CACNA1E: variants seen among roughly 807,000 people sequenced by gnomAD.
CACNA1E encodes the protein voltage-dependent R-type calcium channel subunit alpha-1E.
A neutral mutation model predicts 259.2 loss-of-function variants in CACNA1E; 40 were observed. That is an observed-to-expected ratio of 0.15 (90% confidence interval 0.12 to 0.20). The LOEUF (loss-of-function observed/expected upper bound fraction) is 0.20, where lower values mean the gene tolerates loss of function less well. Among genes scored for constraint, CACNA1E ranks in the 10% least tolerant of loss-of-function variants. The pLI is 1.00. For synonymous variants in CACNA1E, 1,104 were observed against 1,138.5 expected (o/e 0.97, Z 0.61); for missense variants, 1,874 against 3,040.1 (o/e 0.62, Z 9.02).
chr1:181,696,960 A>G (rs995309680), intron 7 of CACNA1E, among the ~76,000 whole-genome samples: 6 of 152,224 alleles, frequency 3.9e-5, no homozygotes, highest in African/African-American at 1.4e-4. Flanking sequence ...CTTCCTGCAC[A>G]TAATAAGAAT....
At chr1:181,700,672 T>C (rs971195975) in intron 7 of CACNA1E, among the ~76,000 whole-genome samples, 1 of 152,148 alleles carries the variant, frequency 6.6e-6, no homozygotes, top group Admixed American at 6.5e-5. Flanking sequence ...GCCTGAAAAA[T>C]AGAACTAAGT....
intron 2 of CACNA1E, among the ~76,000 whole-genome samples, chr1:181,461,134 C>T (rs957586605): frequency 6.6e-6 from 1 of 152,158 alleles, no homozygotes; most frequent in African/African-American, 2.4e-5. Flanking sequence ...CAGATCATTA[C>T]AAAACATTCC....
chr1:181,631,216 C>G (rs1656703866), intron 6 of CACNA1E, among the ~76,000 whole-genome samples: 1 of 152,160 alleles, frequency 6.6e-6, no homozygotes, highest in Non-Finnish European at 1.5e-5. Flanking sequence ...TCCTGCAGCC[C>G]AGGCTGTGTG....
Position 181,798,472 on chromosome 1 carries a change from C to G in CACNA1E, c.6580C>G (p.Pro2194Ala). The G allele has an allele frequency of 6.2e-7, 1 of 1,613,858 alleles. No individual in the cohort carries two copies. Reference protein sequence around the residue: ...PPADGSEEGSPLTSQALESNN... With the variant: ...PPADGSEEGSALTSQALESNN... ...TGCTGATGGAAGCGAGGAGGGCTCC[C>G]CGCTGACCTCCCAAGCTCTGGAGAG... The change falls in exon 48 of 48, where the codon CCG becomes GCG. Residue 2194 changes from proline to alanine, a missense_variant. Around this residue, in one of 14 missense-constraint regions of CACNA1E, gnomAD observed 542 missense variants for 587.2 expected, o/e 0.92. Transcript: ENST00000367573. This position sits in a 1 kb window ranked among gnomAD's most constrained non-coding sequence, Gnocchi z 4.2.
rs535780629 is a variant in CACNA1E at position 181,804,764 on chromosome 1, T to A, written c.*5930T>A. ...AAAGCAATTTAGAAAAATCTTCACT[T>A]GTTAGATCCCATGAAGTACCTATGA... On this transcript the variant is annotated 3_prime_UTR_variant, in exon 48 of 48. Transcript: ENST00000367573. 3 of 152,098 alleles carry A rather than the reference T, an allele frequency of 2.0e-5. No individual in the cohort carries two copies. Among genetic ancestry groups the A allele is most frequent in the Admixed American group, 6.5e-5 (1 of 15,282 alleles). 9.4% of individuals were successfully genotyped at this position (152,098 alleles called of 1,614,324 possible). A position where few individuals can be genotyped will look rare whatever the true frequency, so the allele number is the denominator to read the frequency against.
chr1:181,686,275 G>GTTTTTTTTTTTTTT lies in CACNA1E; in HGVS notation c.1056-24664_1056-24651dup, dbSNP rs66526388. Among the ~76,000 whole-genome samples, 78 of 58,666 alleles carry GTTTTTTTTTTTTTT rather than the reference G, an allele frequency of 1.3e-3. 2 individuals are homozygous for GTTTTTTTTTTTTTT. Among genetic ancestry groups the GTTTTTTTTTTTTTT allele is most frequent in the Admixed American group, 2.1e-3 (8 of 3,732 alleles). 38.5% of individuals were successfully genotyped at this position (58,666 alleles called of 152,430 possible). A position where few individuals can be genotyped will look rare whatever the true frequency, so the allele number is the denominator to read the frequency against. On this transcript the variant is annotated intron_variant, in intron 7 of 47. Transcript: ENST00000367573. ...AGGCTTGGAGGCCAGTAAGAACCAA[G>GTTTTTTTTTTTTTT]TTTTTTTTTTTTTTTTTTTTTTTTT...
intron 2 of CACNA1E, among the ~76,000 whole-genome samples, chr1:181,468,995 A>G (rs1292070183): frequency 6.6e-6 from 1 of 152,148 alleles, no homozygotes; most frequent in African/African-American, 2.4e-5. Context: ...TTGGATAGTT[A>G]TATTTGATAG....
intron 12 of CACNA1E, among the ~76,000 whole-genome samples, chr1:181,718,515 A>T (rs1398550088): frequency 6.6e-6 from 1 of 151,906 alleles, no homozygotes; most frequent in Non-Finnish European, 1.5e-5. Context: ...AAAGGACTTG[A>T]TTTTAGAGGT....
chr1:181,704,716 C>T (rs1176634656), intron 7 of CACNA1E, among the ~76,000 whole-genome samples: 3 of 152,112 alleles, frequency 2.0e-5, no homozygotes, highest in Non-Finnish European at 4.4e-5. Flanking sequence ...CAGGCCAGCC[C>T]ATCCTGGCAC....
chr1:181,692,218 ATTG>A (rs1651234528), intron 7 of CACNA1E, among the ~76,000 whole-genome samples: 1 of 152,212 alleles, frequency 6.6e-6, no homozygotes. Flanking sequence ...AAGAGTCAGT[ATTG>A]TTAAAATGGC....
In CACNA1E at chr1:181,801,354, T is replaced by C. The variant is rs888642995; in HGVS notation, c.*2520T>C. On this transcript the variant is annotated 3_prime_UTR_variant, in exon 48 of 48. Coordinates refer to ENST00000367573, the MANE Select transcript of CACNA1E (RefSeq NM_001205293.3). Reference sequence around the variant, plus strand: ...ACACTAAATTTACTGTGCCAGGAAATCTTCCTGAACTCCTTGAACTCATAC... The same window carrying C: ...ACACTAAATTTACTGTGCCAGGAAACCTTCCTGAACTCCTTGAACTCATAC... The C allele has an allele frequency of 2.0e-5, 3 of 152,486 alleles. No homozygotes were observed. Among genetic ancestry groups the C allele is most frequent in the Non-Finnish European group, 4.4e-5 (3 of 68,036 alleles). The allele number at this position is 152,486 out of a possible 1,614,324, so 9.4% of individuals were successfully genotyped here. A position where few individuals can be genotyped will look rare whatever the true frequency, so the allele number is the denominator to read the frequency against.
intron 6 of CACNA1E, among the ~76,000 whole-genome samples, chr1:181,587,290 A>G (rs1376932566): frequency 1.3e-5 from 2 of 152,190 alleles, no homozygotes; most frequent in African/African-American, 4.8e-5. Context: ...GGAGTAGGAA[A>G]TGCATTGGGT....
intron 2 of CACNA1E, among the ~76,000 whole-genome samples, chr1:181,426,493 A>G (rs1490973220): frequency 8.6e-6 from 1 of 116,410 alleles, no homozygotes; most frequent in African/African-American, 3.5e-5. Context: ...CATTCCCTTC[A>G]AAACTCAACC....
chr1:181,557,951 GT>G (rs1221085096), intron 3 of CACNA1E, among the ~76,000 whole-genome samples: 1 of 152,224 alleles, frequency 6.6e-6, no homozygotes, highest in Non-Finnish European at 1.5e-5. Flanking sequence ...CCTCTGCAGT[GT>G]TTTTGAAATG....
intron 6 of CACNA1E, among the ~76,000 whole-genome samples, chr1:181,645,451 C>A (rs139803441): frequency 6.6e-6 from 1 of 152,108 alleles, no homozygotes; most frequent in Non-Finnish European, 1.5e-5. Context: ...CTTATAGGTC[C>A]CCCACTTCTT....
chr1:181,633,108 C>CA (rs1049641463), intron 6 of CACNA1E, among the ~76,000 whole-genome samples: 3 of 151,952 alleles, frequency 2.0e-5, no homozygotes, highest in African/African-American at 7.3e-5. Context: ...CCTGAGGATG[C>CA]AAAAAAGCCA....
chr1:181,407,591 A>T (rs1043965941), intron 1 of CACNA1E, among the ~76,000 whole-genome samples: 2 of 152,250 alleles, frequency 1.3e-5, no homozygotes, highest in Non-Finnish European at 2.9e-5. Flanking sequence ...TCTGATGTAC[A>T]TTAGAGATTG....
At chr1:181,675,896 T>C (rs1473840651) in intron 7 of CACNA1E, among the ~76,000 whole-genome samples, 1 of 152,202 alleles carries the variant, frequency 6.6e-6, no homozygotes, top group Non-Finnish European at 1.5e-5. Flanking sequence ...TGAAGTGCAT[T>C]GTGCTTGAGA....
intron 1 of CACNA1E, among the ~76,000 whole-genome samples, chr1:181,366,972 C>G (rs1405112245): frequency 6.6e-6 from 1 of 152,148 alleles, no homozygotes; most frequent in Non-Finnish European, 1.5e-5. Flanking sequence ...ACTTGTTCCT[C>G]TTTCCATTTT....
Sources: gnomAD v4.1 joint callset for allele counts (sites outside exome capture counted in the v4.1 genomes callset) on GRCh38, gnomAD v4.1.1 for gene constraint, gnomAD v4.1.1 regional missense constraint, Gnocchi (gnomAD v3.1) non-coding constraint, MANE v1.5 for transcripts, NCBI Gene and HGNC (gene_info 2026-07-23, HGNC 2026-07-21) for gene names.